The following INSL6 variants were observed in gnomAD, a reference collection of about 807,000 sequenced individuals.
INSL6 encodes insulin-like peptide INSL6.
Under a neutral mutation model 9.4 loss-of-function variants are expected in INSL6, and 16 were observed. That is an observed-to-expected ratio of 1.70 (90% confidence interval 1.15 to 2.59). The LOEUF (loss-of-function observed/expected upper bound fraction) is 2.59. Among genes scored for constraint, INSL6 ranks in the 30% most tolerant of loss-of-function variants. The probability of loss-of-function intolerance (pLI) is 0.00; values close to 1 mark genes in which losing one functional copy is unlikely to be tolerated. For missense variants in INSL6, 391 were observed against 257.3 expected, an observed-to-expected ratio of 1.52 and a Z score of -3.56; for synonymous variants, 154 against 96.9, an observed-to-expected ratio of 1.59 and a Z score of -3.46.
the INSL6 span, chr9:5,112,089 C>T: frequency 2.7e-6 from 1 of 369,938 alleles, no homozygotes; most frequent in East Asian, 8.1e-5. Flanking sequence ...GATAGAAGAC[C>T]ACCTACCTGA....
At chr9:5,035,414 G>A in the INSL6 span, among the ~76,000 whole-genome samples, 32 of 152,246 alleles carry the variant, frequency 2.1e-4, no homozygotes, top group African/African-American at 7.7e-4. Context: ...ACCAAAGCCT[G>A]GCAGAGACAC....
chr9:5,169,853 C>G (rs1825139509), intron 1 of INSL6, among the ~76,000 whole-genome samples: 1 of 152,174 alleles, frequency 6.6e-6, no homozygotes, highest in South Asian at 2.1e-4. Flanking sequence ...CAGGAGCACC[C>G]AGATTCATAA....
chr9:5,069,907 T>C, the INSL6 span: 1 of 1,533,062 alleles, frequency 6.5e-7, no homozygotes, highest in Non-Finnish European at 8.9e-7. Flanking sequence ...GTGATATATA[T>C]GTATTTTATT....
chr9:5,042,084 A>G, the INSL6 span: 1 of 221,736 alleles, frequency 4.5e-6, no homozygotes, highest in East Asian at 1.5e-4. Context: ...CATCCCCGGG[A>G]CGAGGGGTCA....
intron 1 of INSL6, among the ~76,000 whole-genome samples, chr9:5,177,987 C>T (rs532681564): frequency 6.6e-5 from 10 of 152,210 alleles, no homozygotes; most frequent in South Asian, 2.1e-4. Context: ...GCGATTCTCC[C>T]GCCTCAGCCT....
intron 2 of INSL6, among the ~76,000 whole-genome samples, chr9:5,147,498 C>A (rs994029972): frequency 5.9e-5 from 9 of 152,158 alleles, no homozygotes; most frequent in Non-Finnish European, 4.4e-5. Context: ...ATAGCTCTGG[C>A]AGGGAGTAGC....
chr9:5,135,571 C>A (rs1321659071), intron 2 of INSL6, among the ~76,000 whole-genome samples: 1 of 151,986 alleles, frequency 6.6e-6, no homozygotes, highest in Non-Finnish European at 1.5e-5. Flanking sequence ...TCTTTGAAAC[C>A]AATAAGAACA....
chr9:5,104,777 C>G, the INSL6 span, among the ~76,000 whole-genome samples: 2 of 152,154 alleles, frequency 1.3e-5, no homozygotes, highest in Admixed American at 1.3e-4. Flanking sequence ...TAAACGTAAT[C>G]CATAACATAA....
intron 1 of INSL6, among the ~76,000 whole-genome samples, chr9:5,171,831 A>AT (rs1825188620): frequency 6.6e-6 from 1 of 152,232 alleles, no homozygotes; most frequent in Non-Finnish European, 1.5e-5. Context: ...GCTCAAGGAA[A>AT]TAAGGGAGAA....
the INSL6 span, among the ~76,000 whole-genome samples, chr9:5,083,022 T>A: frequency 6.6e-6 from 1 of 152,218 alleles, no homozygotes; most frequent in Non-Finnish European, 1.5e-5. Context: ...TTCAGAGGCT[T>A]TAACATGTAA....
At chr9:5,183,446 G>T (rs560924390) in intron 1 of INSL6, among the ~76,000 whole-genome samples, 1 of 152,134 alleles carries the variant, frequency 6.6e-6, no homozygotes, top group South Asian at 2.1e-4. Context: ...GCAGCTTCCT[G>T]CTCATTATTA....
chr9:4,997,366 C>G, the INSL6 span, among the ~76,000 whole-genome samples: 2 of 152,242 alleles, frequency 1.3e-5, no homozygotes, highest in East Asian at 1.9e-4. Flanking sequence ...TCTGGGGAGT[C>G]CTCCGGGAGC....
chr9:5,054,788 A>G, the INSL6 span: 1 of 1,613,108 alleles, frequency 6.2e-7, no homozygotes, highest in Non-Finnish European at 8.5e-7. The surrounding 1 kb of genome is among the most constrained non-coding windows in gnomAD (Gnocchi z 4.9). Context: ...GTGGTCCTTC[A>G]GGTGAGGAGA....
At chr9:4,996,451 AAAATAAAT>A in the INSL6 span, among the ~76,000 whole-genome samples, 1 of 152,104 alleles carries the variant, frequency 6.6e-6, no homozygotes, top group Non-Finnish European at 1.5e-5. Flanking sequence ...TCTGTCTCAA[AAAATAAAT>A]AAATAAATAA....
In INSL6 at chr9:5,163,975, G is replaced by C. The variant is rs751399042; in HGVS notation, c.580C>G (p.Pro194Ala). The C allele has an allele frequency of 8.7e-6, 14 of 1,611,706 alleles. No homozygotes were observed. The highest frequency in any genetic ancestry group is 1.1e-5 in the Non-Finnish European group (13 of 1,179,588). Residue 194 changes from proline to alanine, a missense_variant, in exon 2 of 2, where the codon CCA (proline) becomes GCA (alanine). Transcript: ENST00000381641. ...TTTAGCCTTTTAAAATCAATATATG[G>C]AAGACATGCAATGCTAAGTTCTTCT... ...TKEELSIACL[P>A]YIDFKRLKEK...
At chr9:5,026,648 T>C in the INSL6 span, among the ~76,000 whole-genome samples, 1 of 152,216 alleles carries the variant, frequency 6.6e-6, no homozygotes, top group East Asian at 1.9e-4. Context: ...ATGGTATGAA[T>C]GGTTATTCTG....
At chr9:5,104,736 A>T in the INSL6 span, among the ~76,000 whole-genome samples, 5 of 152,352 alleles carry the variant, frequency 3.3e-5, no homozygotes, top group African/African-American at 1.2e-4. Flanking sequence ...CATCCCTAGG[A>T]TGCAAGGCTG....
chr9:5,069,158 C>A, the INSL6 span: 1 of 1,612,086 alleles, frequency 6.2e-7, no homozygotes, highest in South Asian at 1.1e-5. Context: ...ACTGTTCGCT[C>A]AGACAATATA....
the INSL6 span, chr9:5,069,228 AT>A: frequency 1.3e-6 from 2 of 1,528,254 alleles, no homozygotes; most frequent in Non-Finnish European, 1.8e-6. Context: ...TTTTCTAGTT[AT>A]TTTTAAATTA....
Sources: gnomAD v4.1 joint callset for allele counts (sites outside exome capture counted in the v4.1 genomes callset) on GRCh38, gnomAD v4.1.1 for gene constraint, Gnocchi (gnomAD v3.1) non-coding constraint, MANE v1.5 for transcripts, NCBI Gene and HGNC (gene_info 2026-07-23, HGNC 2026-07-21) for gene names.